The following EXOC6B variants were observed in gnomAD, a reference collection of about 807,000 sequenced individuals.
The protein encoded by EXOC6B is exocyst complex component 6B.
A neutral mutation model predicts 113.5 loss-of-function variants in EXOC6B; 54 were observed. The ratio of observed to expected loss-of-function variants is 0.48; its 90% CI spans 0.38 to 0.60. EXOC6B has a LOEUF of 0.60. Among genes scored for constraint, EXOC6B ranks in the 20% least tolerant of loss-of-function variants. The pLI, the probability that EXOC6B is intolerant of heterozygous loss-of-function variation, is 0.00. For missense variants in EXOC6B, 797 were observed against 977.5 expected, an observed-to-expected ratio of 0.82 and a Z score of 2.46; for synonymous variants, 357 against 339.0, an observed-to-expected ratio of 1.05 and a Z score of -0.58.
At chr2:72,504,237 T>C (rs1014428986) in intron 11 of EXOC6B, among the ~76,000 whole-genome samples, 3 of 152,104 alleles carry the variant, frequency 2.0e-5, no homozygotes, top group African/African-American at 7.2e-5. Flanking sequence ...TAAGACGTCA[T>C]TGTATATTTA....
chr2:72,254,605 T>C (rs752960241), intron 20 of EXOC6B, among the ~76,000 whole-genome samples: 1 of 152,206 alleles, frequency 6.6e-6, no homozygotes, highest in Non-Finnish European at 1.5e-5. Flanking sequence ...TACCTAAACA[T>C]GTAGAAGTGG....
At chr2:72,577,099 T>C (rs1453619553) in intron 6 of EXOC6B, among the ~76,000 whole-genome samples, 3 of 152,090 alleles carry the variant, frequency 2.0e-5, no homozygotes, top group African/African-American at 4.8e-5. Flanking sequence ...GAAAAGAATC[T>C]ACATTCCAGA....
At chr2:72,452,348 C>CT (rs1211623807) in intron 18 of EXOC6B, among the ~76,000 whole-genome samples, 4 of 152,208 alleles carry the variant, frequency 2.6e-5, no homozygotes, top group Admixed American at 2.6e-4. Context: ...ATTAAAATGT[C>CT]TGAGATACTT....
intron 8 of EXOC6B, among the ~76,000 whole-genome samples, chr2:72,519,176 A>G (rs1232226481): frequency 6.6e-6 from 1 of 152,198 alleles, no homozygotes; most frequent in East Asian, 1.9e-4. Context: ...TGAGTTGCCT[A>G]ATGCACATGT....
intron 8 of EXOC6B, among the ~76,000 whole-genome samples, chr2:72,536,105 T>A (rs1042828981): frequency 6.6e-6 from 1 of 152,190 alleles, no homozygotes; most frequent in African/African-American, 2.4e-5. Context: ...TTCCCTCAGT[T>A]CAAGATACAT....
intron 6 of EXOC6B, among the ~76,000 whole-genome samples, chr2:72,579,751 C>A (rs1705083824): frequency 6.6e-6 from 1 of 152,140 alleles, no homozygotes; most frequent in Non-Finnish European, 1.5e-5. Flanking sequence ...AGGCTCCTGA[C>A]TTTCTCAATC....
At chr2:72,644,252 CA>C (rs1306091744) in intron 6 of EXOC6B, among the ~76,000 whole-genome samples, 5 of 151,892 alleles carry the variant, frequency 3.3e-5, no homozygotes, top group African/African-American at 1.2e-4. Context: ...AGAGAAAAAA[CA>C]GCAAAAAGAA....
chr2:72,555,517 C>T (rs1703487795), intron 8 of EXOC6B, among the ~76,000 whole-genome samples: 1 of 152,198 alleles, frequency 6.6e-6, no homozygotes, highest in Non-Finnish European at 1.5e-5. Flanking sequence ...TGATGATGAG[C>T]ATTTTTTCAT....
chr2:72,688,955 C>CT (rs1677292324), intron 6 of EXOC6B, among the ~76,000 whole-genome samples: 1 of 152,168 alleles, frequency 6.6e-6, no homozygotes, highest in South Asian at 2.1e-4. Context: ...TTAGTCATCT[C>CT]TGTTTTACCA....
intron 1 of EXOC6B, among the ~76,000 whole-genome samples, chr2:72,781,926 G>A (rs1036772629): frequency 3.9e-5 from 6 of 151,946 alleles, no homozygotes; most frequent in African/African-American, 1.5e-4. Context: ...ATCATTTGAG[G>A]TCAGGAGTTT....
At chr2:72,300,559 C>T (rs1686446650) in intron 20 of EXOC6B, among the ~76,000 whole-genome samples, 1 of 152,184 alleles carries the variant, frequency 6.6e-6, no homozygotes, top group Non-Finnish European at 1.5e-5. Context: ...TTCCAGGTGC[C>T]ACTGGGGTAT....
intron 1 of EXOC6B, among the ~76,000 whole-genome samples, chr2:72,760,918 G>A (rs1235409317): frequency 6.6e-6 from 1 of 152,182 alleles, no homozygotes; most frequent in Non-Finnish European, 1.5e-5. Context: ...GGGGGCTCAT[G>A]CCTGTAATCC....
intron 1 of EXOC6B, among the ~76,000 whole-genome samples, chr2:72,753,285 C>A (rs1169354847): frequency 6.6e-6 from 1 of 151,812 alleles, no homozygotes; most frequent in African/African-American, 2.4e-5. Flanking sequence ...CTACCCAAAC[C>A]CACATTTCAC....
chr2:72,689,381 C>A (rs186267782), intron 6 of EXOC6B, among the ~76,000 whole-genome samples: 2 of 152,178 alleles, frequency 1.3e-5, no homozygotes, highest in African/African-American at 2.4e-5. Flanking sequence ...TCACTCACAG[C>A]GCACTTCATA....
rs749050329 is a variant in EXOC6B at position 72,379,880 on chromosome 2, A to G, written c.1981-10T>C. The G allele has an allele frequency of 6.3e-7, 1 of 1,598,410 alleles. No individual in the cohort carries two copies. Among genetic ancestry groups the G allele is most frequent in the Non-Finnish European group, 8.5e-7 (1 of 1,171,888 alleles). On this transcript the variant is annotated splice_polypyrimidine_tract_variant and intron_variant, in intron 18 of 21. Coordinates refer to ENST00000272427, the MANE Select transcript of EXOC6B (RefSeq NM_015189.3). ...TCTGGGCCACCTTTCCCTGAAACAC[A>G]AGAGTGTAAATCATAAAGTTAATGC...
At chr2:72,307,808 G>A (rs987061939) in intron 20 of EXOC6B, among the ~76,000 whole-genome samples, 1 of 152,040 alleles carries the variant, frequency 6.6e-6, no homozygotes, top group African/African-American at 2.4e-5. Flanking sequence ...AAGGTTAAAG[G>A]CCAGTTCTTA....
At chr2:72,515,780 T>G in intron 8 of EXOC6B, 1 of 963,704 alleles carries the variant, frequency 1.0e-6, no homozygotes, top group Non-Finnish European at 1.2e-6. Flanking sequence ...TTCATGTCCT[T>G]CGTGGAACTT....
chr2:72,351,794 A>G (rs970507670), intron 19 of EXOC6B, among the ~76,000 whole-genome samples: 1 of 152,200 alleles, frequency 6.6e-6, no homozygotes, highest in Non-Finnish European at 1.5e-5. Flanking sequence ...AATGACCATG[A>G]CACTCTCATA....
intron 1 of EXOC6B, among the ~76,000 whole-genome samples, chr2:72,822,680 G>GATA (rs1553490937): frequency 8.3e-4 from 126 of 151,948 alleles, no homozygotes; most frequent in African/African-American, 3.0e-3. Flanking sequence ...GGTATTTTAG[G>GATA]GATATACTAA....
Sources: allele counts gnomAD v4.1 joint callset (sites outside exome capture counted in the v4.1 genomes callset), GRCh38; gene constraint gnomAD v4.1.1; transcripts MANE v1.5; gene names NCBI Gene and HGNC (gene_info 2026-07-23, HGNC 2026-07-21).